RIN2: variants seen among roughly 807,000 people sequenced by gnomAD.
RIN2 encodes the protein Ras and Rab interactor 2.
A neutral mutation model predicts 78.0 loss-of-function variants in RIN2; 36 were observed. The observed-to-expected ratio is 0.46, with a 90% confidence interval of 0.35 to 0.61. The LOEUF is 0.61. Ranked by LOEUF, RIN2 falls within the 20% of genes least tolerant of loss-of-function variation. The pLI, the probability that RIN2 is intolerant of heterozygous loss-of-function variation, is 0.00. For missense variants in RIN2, 1,087 were observed against 1,159.7 expected (o/e 0.94, Z 0.91); for synonymous variants, 466 against 466.8 (o/e 1.00, Z 0.02).
intron 2 of RIN2, among the ~76,000 whole-genome samples, chr20:19,829,515 G>A (rs2036190923): frequency 1.3e-5 from 2 of 152,182 alleles, no homozygotes. Flanking sequence ...GGCTTCTATA[G>A]GCTGTTGTGT....
intron 2 of RIN2, among the ~76,000 whole-genome samples, chr20:19,812,766 T>C (rs1164272669): frequency 2.6e-5 from 4 of 152,224 alleles, no homozygotes; most frequent in Non-Finnish European, 5.9e-5. Context: ...GATCAGACTT[T>C]CAATCTTTTG....
At chr20:19,974,204 G>T (rs57586886) in intron 8 of RIN2, among the ~76,000 whole-genome samples, 1 of 152,208 alleles carries the variant, frequency 6.6e-6, no homozygotes, top group African/African-American at 2.4e-5. Context: ...TTCAAGGCCC[G>T]ATTCCTTGGC....
intron 5 of RIN2, among the ~76,000 whole-genome samples, chr20:19,959,492 C>T (rs967781482): frequency 6.6e-6 from 1 of 152,152 alleles, no homozygotes; most frequent in Admixed American, 6.5e-5. Flanking sequence ...GGATGCATCC[C>T]CATGGTGCCA....
At chr20:19,998,652 A>T (rs1284374218) in intron 12 of RIN2, among the ~76,000 whole-genome samples, 1 of 152,160 alleles carries the variant, frequency 6.6e-6, no homozygotes, top group Non-Finnish European at 1.5e-5. Flanking sequence ...TTTGAAAGCC[A>T]AGATCAGCTC....
At chr20:19,996,934 G>A (rs1165308179) in intron 12 of RIN2, 92 bp downstream of exon 12, 12 of 1,308,794 alleles carry the variant, frequency 9.2e-6, no homozygotes, top group Non-Finnish European at 1.2e-5. Flanking sequence ...TCCCCACTGT[G>A]TTGAATTATT....
intron 2 of RIN2, among the ~76,000 whole-genome samples, chr20:19,829,644 G>C (rs551206321): frequency 6.6e-6 from 1 of 152,316 alleles, no homozygotes; most frequent in South Asian, 2.1e-4. Flanking sequence ...TTTAGGCAGG[G>C]AGGGGTACTG....
At chr20:19,930,350 G>A (rs189194229) in intron 3 of RIN2, among the ~76,000 whole-genome samples, 4 of 152,208 alleles carry the variant, frequency 2.6e-5, no homozygotes, top group Admixed American at 1.3e-4. Flanking sequence ...AGCTTCTTGT[G>A]TGTGGCCAGA....
intron 3 of RIN2, among the ~76,000 whole-genome samples, chr20:19,911,762 A>G (rs1026682214): frequency 3.3e-5 from 5 of 152,100 alleles, no homozygotes; most frequent in Non-Finnish European, 7.3e-5. Context: ...TCAGTGTCAC[A>G]TACATGCAGA....
intron 8 of RIN2, among the ~76,000 whole-genome samples, chr20:19,973,334 G>GGGATACA (rs2042165301): frequency 6.6e-6 from 1 of 152,144 alleles, no homozygotes; most frequent in Admixed American, 6.5e-5. Flanking sequence ...GAGAGAAGGA[G>GGGATACA]GGATACAGGA....
At chr20:19,791,484 GCCCCC>G (rs2034888465) in intron 1 of RIN2, among the ~76,000 whole-genome samples, 1 of 152,098 alleles carries the variant, frequency 6.6e-6, no homozygotes, top group African/African-American at 2.4e-5. Flanking sequence ...GAGGAGATGT[GCCCCC>G]TGCCTCAGAT....
chr20:19,767,620 C>G (rs913840081), intron 1 of RIN2, among the ~76,000 whole-genome samples: 1 of 151,972 alleles, frequency 6.6e-6, no homozygotes, highest in Non-Finnish European at 1.5e-5. Context: ...CATTATGGCA[C>G]CACTTAGAAT....
chr20:19,940,932 C>T (rs115311451), intron 4 of RIN2, among the ~76,000 whole-genome samples: 2,082 of 152,308 alleles, frequency 0.014, 55 homozygotes, highest in African/African-American at 0.048. Flanking sequence ...GCTGCCTCTG[C>T]AGGATCCCTG....
chr20:19,858,828 A>G (rs1289495071), intron 2 of RIN2, among the ~76,000 whole-genome samples: 1 of 152,208 alleles, frequency 6.6e-6, no homozygotes, highest in Non-Finnish European at 1.5e-5. Context: ...TCTGCTTTTC[A>G]TAAAGAGACC....
intron 1 of RIN2, among the ~76,000 whole-genome samples, chr20:19,770,380 T>C (rs1203803609): frequency 1.3e-5 from 2 of 152,182 alleles, no homozygotes; most frequent in Non-Finnish European, 2.9e-5. Context: ...TATGATACCA[T>C]TTGACTTCAA....
At chr20:19,842,162 G>A (rs1158973091) in intron 2 of RIN2, among the ~76,000 whole-genome samples, 2 of 152,038 alleles carry the variant, frequency 1.3e-5, no homozygotes, top group Non-Finnish European at 2.9e-5. Flanking sequence ...TCTACAATTG[G>A]AACTGTAAAG....
intron 3 of RIN2, among the ~76,000 whole-genome samples, chr20:19,932,865 C>T (rs950060376): frequency 6.6e-6 from 1 of 152,152 alleles, no homozygotes; most frequent in Non-Finnish European, 1.5e-5. Flanking sequence ...AATGCAGTTT[C>T]CCCCTCAAGT....
At chr20:20,000,113 T>A (rs1241220061) in intron 12 of RIN2, among the ~76,000 whole-genome samples, 1 of 152,218 alleles carries the variant, frequency 6.6e-6, no homozygotes, top group Non-Finnish European at 1.5e-5. Flanking sequence ...AAGGATCACT[T>A]GAGCCCAGCG....
chr20:19,768,106 G>A (rs1479913838), intron 1 of RIN2, among the ~76,000 whole-genome samples: 3 of 152,042 alleles, frequency 2.0e-5, no homozygotes, highest in Non-Finnish European at 4.4e-5. Context: ...TCACGATGGA[G>A]AAAGTCTGTG....
chr20:19,803,990 T>G (rs984854680), intron 2 of RIN2, among the ~76,000 whole-genome samples: 2 of 152,204 alleles, frequency 1.3e-5, no homozygotes, highest in African/African-American at 4.8e-5. Flanking sequence ...ATGATTTGGC[T>G]CTCTGCTTGT....
Sources: gnomAD v4.1 joint callset for allele counts (sites outside exome capture counted in the v4.1 genomes callset) on GRCh38, gnomAD v4.1.1 for gene constraint, MANE v1.5 for transcripts, NCBI Gene and HGNC (gene_info 2026-07-23, HGNC 2026-07-21) for gene names.